RALGPS1: variants seen among roughly 807,000 people sequenced by gnomAD.
The protein encoded by RALGPS1 is Ral GEF with PH domain and SH3 binding motif 1.
RALGPS1 carries 19 observed loss-of-function variants against 78.8 expected under a neutral mutation model. That is an observed-to-expected ratio of 0.24 (90% CI 0.17 to 0.35). RALGPS1 has a LOEUF of 0.35. RALGPS1 is among the 10% of genes least tolerant of loss of function. The pLI is 1.00. For synonymous variants in RALGPS1, 228 were observed against 256.3 expected (o/e 0.89, Z 1.06); for missense variants, 454 against 688.3 (o/e 0.66, Z 3.81).
chr9:127,099,064 G>A (rs914825731), intron 8 of RALGPS1, among the ~76,000 whole-genome samples: 2 of 152,212 alleles, frequency 1.3e-5, no homozygotes, highest in African/African-American at 4.8e-5. Flanking sequence ...ACGTGCCTGA[G>A]GTGTGGGGGG....
At chr9:127,095,230 C>T (rs1284423097) in intron 8 of RALGPS1, among the ~76,000 whole-genome samples, 2 of 152,126 alleles carry the variant, frequency 1.3e-5, no homozygotes, top group Non-Finnish European at 2.9e-5. Flanking sequence ...AACCCTGTCT[C>T]TACTAAAAAT....
At chr9:127,151,460 C>G (rs1176476614) in intron 8 of RALGPS1, among the ~76,000 whole-genome samples, 2 of 152,176 alleles carry the variant, frequency 1.3e-5, no homozygotes, top group East Asian at 1.9e-4. Flanking sequence ...TTCCTGCCTT[C>G]TAGAAGCTCC....
In RALGPS1 at chr9:127,080,905, A is replaced by G. The variant is rs1589359913; in HGVS notation, c.610+11549A>G. On this transcript the variant is annotated intron_variant, in intron 8 of 18. Transcript: ENST00000259351. Reference sequence around the variant, plus strand: ...TATAATGCAGATATTCCAAAATCTGAAAAAGTCTGAAATCTGGAACATTTC... The same window carrying G: ...TATAATGCAGATATTCCAAAATCTGGAAAAGTCTGAAATCTGGAACATTTC... 2.6e-5 allele frequency among the ~76,000 whole-genome samples: 4 copies of G among 152,342 alleles called. No homozygotes were observed. In the South Asian group the frequency reaches 8.3e-4, roughly 32 times the overall value.
intron 3 of RALGPS1, among the ~76,000 whole-genome samples, chr9:126,972,514 C>G (rs771775674): frequency 9.2e-5 from 14 of 152,174 alleles, no homozygotes; most frequent in Non-Finnish European, 1.8e-4. Context: ...TCAATAGCCA[C>G]TAACATTACA....
intron 4 of RALGPS1, among the ~76,000 whole-genome samples, chr9:126,986,387 T>A (rs2041803159): frequency 6.6e-6 from 1 of 152,152 alleles, no homozygotes; most frequent in Non-Finnish European, 1.5e-5. Context: ...ATTGCCACTG[T>A]GGTGGATTGG....
intron 18 of RALGPS1, chr9:127,216,174 C>T (rs2131017520): frequency 6.6e-6 from 1 of 152,310 alleles, no homozygotes; most frequent in Non-Finnish European, 1.5e-5. Flanking sequence ...CTGTGCTCAG[C>T]TCGGTCTGTA....
At chr9:126,933,817 AG>A (rs993576594) in intron 1 of RALGPS1, among the ~76,000 whole-genome samples, 3 of 152,140 alleles carry the variant, frequency 2.0e-5, no homozygotes, top group Middle Eastern at 3.4e-3. Context: ...GTGTGCCTGC[AG>A]GGGGGGTGTG....
At chr9:126,967,543 A>T (rs1380551156) in intron 3 of RALGPS1, among the ~76,000 whole-genome samples, 11 of 149,546 alleles carry the variant, frequency 7.4e-5, no homozygotes, top group Middle Eastern at 3.5e-3. Context: ...TTATAGAATA[A>T]TTTTTTTTTT....
intron 8 of RALGPS1, chr9:127,088,913 A>G (rs750508917): frequency 6.2e-7 from 1 of 1,614,122 alleles, no homozygotes; most frequent in South Asian, 1.1e-5. Context: ...GGCAATGGCC[A>G]CGAGAGGTCA....
At chr9:126,927,144 C>T (rs972465564) in intron 1 of RALGPS1, among the ~76,000 whole-genome samples, 2 of 152,048 alleles carry the variant, frequency 1.3e-5, no homozygotes, top group Admixed American at 6.6e-5. Context: ...GGCTGGTAGT[C>T]TTATGTTTAA....
intron 4 of RALGPS1, among the ~76,000 whole-genome samples, chr9:127,004,323 T>G (rs2043628631): frequency 6.6e-6 from 1 of 152,220 alleles, no homozygotes. Context: ...TTTTTGTATT[T>G]TTAGTAGAGA....
chr9:126,980,279 C>T (rs758674371), intron 4 of RALGPS1, among the ~76,000 whole-genome samples: 1 of 152,224 alleles, frequency 6.6e-6, no homozygotes, highest in Middle Eastern at 3.2e-3. Flanking sequence ...CAGAGGCCAG[C>T]ATCTGAGAGC....
chr9:127,190,840 C>T (rs530139342), intron 11 of RALGPS1, among the ~76,000 whole-genome samples: 1 of 152,336 alleles, frequency 6.6e-6, no homozygotes, highest in East Asian at 1.9e-4. Context: ...AAATATTTCA[C>T]CTTCATATAA....
At chr9:127,160,913 A>G (rs1345441125) in intron 8 of RALGPS1, among the ~76,000 whole-genome samples, 1 of 152,216 alleles carries the variant, frequency 6.6e-6, no homozygotes, top group African/African-American at 2.4e-5. Context: ...CATGGTAAAC[A>G]CAATACTTCC....
intron 1 of RALGPS1, among the ~76,000 whole-genome samples, chr9:126,923,807 A>G (rs146062228): frequency 2.6e-5 from 4 of 152,266 alleles, no homozygotes; most frequent in African/African-American, 9.6e-5. Context: ...GTAGCTCCCA[A>G]GTGCCACTAC....
chr9:127,195,743 C>G (rs567944434), intron 12 of RALGPS1, among the ~76,000 whole-genome samples: 2 of 152,152 alleles, frequency 1.3e-5, no homozygotes, highest in Non-Finnish European at 2.9e-5. Flanking sequence ...GGCTTCCGAA[C>G]AGATGAGTCC....
rs542784098 is a variant in RALGPS1 at position 127,073,600 on chromosome 9, C to T, written c.610+4244C>T. Among the ~76,000 whole-genome samples, 4 of 152,138 alleles carry T rather than the reference C, an allele frequency of 2.6e-5. No homozygotes were observed. The East Asian group carries it at 7.7e-4, about 29-fold the overall frequency. ...TACAAGTACAGTACTGGTTTCTTTT[C>T]CTTTGGATAAATACCCAGTGGGATT... On this transcript the variant is annotated intron_variant, in intron 8 of 18. Transcript: ENST00000259351.
chr9:127,110,921 AC>A (rs1027458919), intron 8 of RALGPS1, among the ~76,000 whole-genome samples: 1 of 151,790 alleles, frequency 6.6e-6, no homozygotes, highest in African/African-American at 2.4e-5. Context: ...TGCCCATCCT[AC>A]CTTCTGTCCT....
At chr9:127,000,929 G>A (rs1381928187) in intron 4 of RALGPS1, among the ~76,000 whole-genome samples, 1 of 151,512 alleles carries the variant, frequency 6.6e-6, no homozygotes, top group Non-Finnish European at 1.5e-5. Context: ...ATTGAGACTA[G>A]TGGCTAAGAA....
Sources: allele counts gnomAD v4.1 joint callset (sites outside exome capture counted in the v4.1 genomes callset), GRCh38; gene constraint gnomAD v4.1.1; transcripts MANE v1.5; gene names NCBI Gene and HGNC (gene_info 2026-07-23, HGNC 2026-07-21).